The following TRIM61 variants were observed in gnomAD, a reference collection of about 807,000 sequenced individuals.
The protein encoded by TRIM61 is putative tripartite motif-containing protein 61.
Under a neutral mutation model 14.2 loss-of-function variants are expected in TRIM61, and 1 was observed. That is an observed-to-expected ratio of 0.07 (90% confidence interval 0.03 to 0.33). The LOEUF (loss-of-function observed/expected upper bound fraction) is 0.33, where lower values mean the gene tolerates loss of function less well. TRIM61 is among the 10% of genes least tolerant of loss of function. TRIM61 has a pLI of 0.99. For synonymous variants in TRIM61, 8 were observed against 71.6 expected, an observed-to-expected ratio of 0.11 and a Z score of 4.49; for missense variants, 19 against 202.2, an observed-to-expected ratio of 0.09 and a Z score of 5.49.
chr4:164,963,224 A>G (rs1282631208), intron 3 of TRIM61, among the ~76,000 whole-genome samples: 1 of 152,078 alleles, frequency 6.6e-6, no homozygotes, highest in Non-Finnish European at 1.5e-5. Context: ...CAGCCTGGGC[A>G]ATATAGTCAG....
intron 3 of TRIM61, among the ~76,000 whole-genome samples, chr4:164,963,580 C>A (rs766111800): frequency 2.6e-5 from 4 of 151,724 alleles, no homozygotes; most frequent in Non-Finnish European, 5.9e-5. Flanking sequence ...CTCGTATCTA[C>A]TAAAAATACA....
At chr4:164,955,554 G>A (rs968717925) in intron 3 of TRIM61, among the ~76,000 whole-genome samples, 1 of 115,830 alleles carries the variant, frequency 8.6e-6, no homozygotes, top group African/African-American at 3.5e-5. Flanking sequence ...GGGTGACTAA[G>A]AGAGATTCAG....
chr4:164,971,625 T>C (rs542218408), intron 2 of TRIM61, among the ~76,000 whole-genome samples: 1 of 148,388 alleles, frequency 6.7e-6, no homozygotes, highest in South Asian at 2.1e-4. Flanking sequence ...AGAGAAAACA[T>C]GAATGTAGCA....
intron 3 of TRIM61, among the ~76,000 whole-genome samples, chr4:164,967,536 G>A (rs1412196708): frequency 1.3e-5 from 2 of 152,186 alleles, no homozygotes; most frequent in African/African-American, 2.4e-5. Flanking sequence ...CTGTCCAGTG[G>A]GAACAGAACA....
chr4:164,967,530 C>T (rs1732269205), intron 3 of TRIM61, among the ~76,000 whole-genome samples: 1 of 152,090 alleles, frequency 6.6e-6, no homozygotes, highest in Non-Finnish European at 1.5e-5. Context: ...GGTACTCTGT[C>T]CAGTGGGAAC....
chr4:164,967,348 T>G (rs1732265908), intron 3 of TRIM61, among the ~76,000 whole-genome samples: 1 of 152,238 alleles, frequency 6.6e-6, no homozygotes, highest in African/African-American at 2.4e-5. Context: ...GTCTTTTTTG[T>G]TGACACAAGT....
intron 3 of TRIM61, among the ~76,000 whole-genome samples, chr4:164,960,132 G>A (rs2111134215): frequency 6.6e-6 from 1 of 152,244 alleles, no homozygotes; most frequent in Non-Finnish European, 1.5e-5. Context: ...CCAAAGATTG[G>A]CAGCAACACA....
intron 3 of TRIM61, chr4:164,956,927 T>C (rs1579140215): frequency 8.1e-7 from 1 of 1,232,406 alleles, no homozygotes. Flanking sequence ...AGTGATTGGG[T>C]GCGGCCGGCA....
intron 3 of TRIM61, chr4:164,969,225 C>T (rs10007789): frequency 0.49 from 648,863 of 1,320,412 alleles, 163,233 homozygotes; most frequent in East Asian, 0.71. Context: ...TTTAAATTCT[C>T]ATATCTGTGA....
rs138123955 is a variant in TRIM61, at chr4:164,970,936, C to T, written c.-337-597G>A. Among the ~76,000 whole-genome samples, 317 of 152,200 alleles carry T rather than the reference C, an allele frequency of 2.1e-3. 1 individual carries two copies. The highest frequency in any genetic ancestry group is 7.3e-3 in the African/African-American group (302 of 41,532). On this transcript the variant is annotated intron_variant, in intron 2 of 4. Coordinates refer to ENST00000329314, the MANE Select transcript of TRIM61 (RefSeq NM_001012414.3). ...CCAATATGGTGATACCCTATCTCTA[C>T]TAAAGATACAAAAAATTAGCTGGGC...
chr4:164,957,001 G>A (rs1732007454), intron 3 of TRIM61: 1 of 1,471,376 alleles, frequency 6.8e-7, no homozygotes. Context: ...GGAGACCGGG[G>A]CAGCGCCATG....
At chr4:164,962,572 ATGC>A (rs1732159941) in intron 3 of TRIM61, among the ~76,000 whole-genome samples, 1 of 152,162 alleles carries the variant, frequency 6.6e-6, no homozygotes, top group Non-Finnish European at 1.5e-5. Context: ...AAATAAAAAA[ATGC>A]TGCCAACTCA....
At chr4:164,962,548 A>G (rs952479071) in intron 3 of TRIM61, among the ~76,000 whole-genome samples, 61 of 152,200 alleles carry the variant, frequency 4.0e-4, no homozygotes, top group African/African-American at 1.4e-3. Flanking sequence ...CGGCCTGACA[A>G]TAGTTACTTC....
intron 3 of TRIM61, chr4:164,968,520 T>G (rs13110309): frequency 0.16 from 153,713 of 985,166 alleles, 14,009 homozygotes; most frequent in East Asian, 0.62. Context: ...AAATACAGAA[T>G]AGCCAAAACT....
intron 3 of TRIM61, chr4:164,957,595 T>C (rs1732041987): frequency 7.8e-7 from 1 of 1,276,090 alleles, no homozygotes; most frequent in African/African-American, 1.5e-5. Context: ...CCAATCGTTA[T>C]GTTAACTAAA....
chr4:164,968,140 A>AAGGGG (rs963412701), intron 3 of TRIM61, 141 bp downstream of exon 3: 104 of 984,470 alleles, frequency 1.1e-4, no homozygotes, highest in Non-Finnish European at 1.1e-4. Flanking sequence ...GCAACGAAAA[A>AAGGGG]AGGGGAGGGG....
At chr4:164,957,320 A>C in intron 3 of TRIM61, 1 of 1,614,150 alleles carries the variant, frequency 6.2e-7, no homozygotes, top group Non-Finnish European at 8.5e-7. Context: ...GAGGAATTTT[A>C]GTGGCAGCAT....
chr4:164,957,632 C>G, intron 3 of TRIM61: 1 of 987,992 alleles, frequency 1.0e-6, no homozygotes, highest in East Asian at 2.7e-5. Context: ...CGAAGATAGT[C>G]GAATATTAGA....
intron 3 of TRIM61, among the ~76,000 whole-genome samples, chr4:164,964,411 CAAG>C (rs1560884798): frequency 6.7e-6 from 1 of 149,934 alleles, no homozygotes; most frequent in African/African-American, 2.4e-5. Flanking sequence ...AAATGTAAAG[CAAG>C]AAGAATGACA....
Sources: allele counts gnomAD v4.1 joint callset (sites outside exome capture counted in the v4.1 genomes callset), GRCh38; gene constraint gnomAD v4.1.1; transcripts MANE v1.5; gene names NCBI Gene and HGNC (gene_info 2026-07-23, HGNC 2026-07-21).